The following DAB2IP variants were observed in gnomAD, a reference collection of about 807,000 sequenced individuals.
DAB2IP encodes the protein DAB2 interacting protein, also known as disabled homolog 2-interacting protein.
DAB2IP carries 28 observed loss-of-function variants against 107.2 expected under a neutral mutation model. The observed-to-expected ratio is 0.26, with a 90% confidence interval of 0.19 to 0.36. The LOEUF (loss-of-function observed/expected upper bound fraction) is 0.36. DAB2IP is among the 10% of genes least tolerant of loss of function. The pLI, the probability that DAB2IP is intolerant of heterozygous loss-of-function variation, is 1.00. For synonymous variants in DAB2IP, 755 were observed against 706.4 expected (o/e 1.07, Z -1.09); for missense variants, 1,400 against 1,644.7 (o/e 0.85, Z 2.57).
chr9:121,658,257 CGG>C (rs1010245502), intron 1 of DAB2IP, among the ~76,000 whole-genome samples: 6 of 152,224 alleles, frequency 3.9e-5, no homozygotes, highest in Non-Finnish European at 7.3e-5. Flanking sequence ...ACCTCCCTCT[CGG>C]GGCCACTTGG....
intron 6 of DAB2IP, among the ~76,000 whole-genome samples, chr9:121,762,013 A>G (rs1047371403): frequency 1.3e-5 from 2 of 152,132 alleles, no homozygotes; most frequent in Non-Finnish European, 2.9e-5. Flanking sequence ...TCAGGGCTGC[A>G]GCCAACCCCA....
intron 1 of DAB2IP, among the ~76,000 whole-genome samples, chr9:121,641,949 C>CTCTCTCT (rs1293278349): frequency 3.1e-4 from 20 of 64,050 alleles, no homozygotes; most frequent in Admixed American, 5.8e-4. Context: ...CTCTTTCTTT[C>CTCTCTCT]CTTTCTTTCT....
intron 2 of DAB2IP, among the ~76,000 whole-genome samples, chr9:121,693,805 G>A (rs1829282924): frequency 6.6e-6 from 1 of 152,226 alleles, no homozygotes; most frequent in African/African-American, 2.4e-5. Flanking sequence ...TGGGCTTGGG[G>A]GAAGGAACCC....
intron 1 of DAB2IP, among the ~76,000 whole-genome samples, chr9:121,614,337 C>CTTTTTTTTTTTTTT (rs35959966): frequency 9.7e-5 from 10 of 102,764 alleles, no homozygotes; most frequent in South Asian, 3.3e-4. Context: ...TCTTTCTTTT[C>CTTTTTTTTTTTTTT]TTTTTTTTTT....
At chr9:121,685,923 T>C (rs1240716184) in intron 2 of DAB2IP, among the ~76,000 whole-genome samples, 1 of 152,100 alleles carries the variant, frequency 6.6e-6, no homozygotes, top group Non-Finnish European at 1.5e-5. Context: ...GTGGCTGGAA[T>C]GGAAGCGACA....
intron 10 of DAB2IP, 141 bp downstream of exon 10, chr9:121,768,774 A>G: frequency 9.7e-7 from 1 of 1,028,884 alleles, no homozygotes; most frequent in Admixed American, 2.4e-5. Flanking sequence ...CACACTGGGG[A>G]TCTGTGGGCC....
At chr9:121,595,426 CT>C (rs1830508127) in intron 1 of DAB2IP, among the ~76,000 whole-genome samples, 1 of 120,568 alleles carries the variant, frequency 8.3e-6, no homozygotes, top group Non-Finnish European at 1.9e-5. Flanking sequence ...GACCTTATCT[CT>C]ACAACAAACA....
chr9:121,694,318 G>A (rs755853978), intron 2 of DAB2IP, among the ~76,000 whole-genome samples: 2 of 152,038 alleles, frequency 1.3e-5, no homozygotes, highest in East Asian at 1.9e-4. Context: ...TCCCCCACCC[G>A]GAAATCCAAA....
At chr9:121,727,439 C>T (rs939403091) in intron 3 of DAB2IP, among the ~76,000 whole-genome samples, 1 of 152,208 alleles carries the variant, frequency 6.6e-6, no homozygotes, top group African/African-American at 2.4e-5. Context: ...GAGGCGCCAG[C>T]GTGCCTTAGC....
exon 4 of DAB2IP, chr9:121,757,045 G>T (rs201767314): frequency 5.6e-6 from 9 of 1,614,052 alleles, no homozygotes; most frequent in South Asian, 2.2e-5. Flanking sequence ...AAGGAGTCTC[G>T]CTCCCACGAG....
chr9:121,758,908 C>T (rs780140648), exon 5 of DAB2IP: 2 of 1,613,402 alleles, frequency 1.2e-6, no homozygotes, highest in Non-Finnish European at 1.7e-6. Context: ...GTGACGACGT[C>T]ATCAGGAAGC....
chr9:121,634,970 G>A lies in DAB2IP; in HGVS notation c.41-43708G>A, dbSNP rs775202644. Reference sequence around the variant, plus strand: ...GGCAGGTTTGATGCCTGATACCATGGGGCCCTGTGTGCCAGTGCGGCCCAC... The same window carrying A: ...GGCAGGTTTGATGCCTGATACCATGAGGCCCTGTGTGCCAGTGCGGCCCAC... On this transcript the variant is annotated intron_variant, in intron 1 of 16. Coordinates refer to the DAB2IP transcript ENST00000259371. This position sits in a 1 kb window ranked among gnomAD's most constrained non-coding sequence, Gnocchi z 4.7. Among the ~76,000 whole-genome samples the A allele has an allele frequency of 6.6e-6, 1 of 152,188 alleles. No individual in the cohort carries two copies. The highest frequency in any genetic ancestry group is 1.5e-5 in the Non-Finnish European group (1 of 68,034).
chr9:121,624,550 A>G (rs1055503480), intron 1 of DAB2IP, among the ~76,000 whole-genome samples: 14 of 152,208 alleles, frequency 9.2e-5, no homozygotes, highest in African/African-American at 3.4e-4. Context: ...ATTTAACACC[A>G]TATTTTTACT....
exon 12 of DAB2IP, chr9:121,773,313 C>G: frequency 2.7e-6 from 4 of 1,506,668 alleles, no homozygotes; most frequent in Non-Finnish European, 3.6e-6. Context: ...GCCGCCACCT[C>G]CTGCCCCCCG....
intron 2 of DAB2IP, among the ~76,000 whole-genome samples, chr9:121,687,197 T>C (rs781466075): frequency 2.6e-5 from 4 of 152,204 alleles, no homozygotes; most frequent in Non-Finnish European, 5.9e-5. Context: ...TGCTGGGGGC[T>C]GGGAGCAGCT....
At chr9:121,753,706 A>C (rs553314959) in intron 3 of DAB2IP, among the ~76,000 whole-genome samples, 13 of 152,134 alleles carry the variant, frequency 8.5e-5, no homozygotes, top group Non-Finnish European at 1.5e-4. Context: ...AGGGATGTGC[A>C]AGTGACCAGC....
upstream of DAB2IP, among the ~76,000 whole-genome samples, chr9:121,647,451 T>A (rs1394051171): frequency 6.6e-6 from 1 of 152,160 alleles, no homozygotes; most frequent in Non-Finnish European, 1.5e-5. Context: ...CTAGCCTCCC[T>A]CCCCTGCATC....
chr9:121,691,001 G>A (rs1829133691), intron 2 of DAB2IP, among the ~76,000 whole-genome samples: 1 of 152,194 alleles, frequency 6.6e-6, no homozygotes, highest in South Asian at 2.1e-4. Flanking sequence ...CCCACCTGCT[G>A]TCCCACCTTC....
rs543191310 is a variant in DAB2IP, at chr9:121,714,225, G to A, written c.362+14767G>A. ...AGAGATGGCCCAAGACACATGAAGT[G>A]ATGTTTGTGCTGACATTTCTCCCAC... is the stretch of plus-strand genomic sequence containing the variant. On this transcript the variant is annotated intron_variant, in intron 3 of 15. Transcript: ENST00000408936. Among the ~76,000 whole-genome samples the A allele has an allele frequency of 2.0e-5, 3 of 152,292 alleles. No individual in the cohort carries two copies. The East Asian group carries it at 5.8e-4, about 29-fold the overall frequency.
Sources: gnomAD v4.1 joint callset for allele counts (sites outside exome capture counted in the v4.1 genomes callset) on GRCh38, gnomAD v4.1.1 for gene constraint, Gnocchi (gnomAD v3.1) non-coding constraint, MANE v1.5 for transcripts, NCBI Gene and HGNC (gene_info 2026-07-23, HGNC 2026-07-21) for gene names.